Variants in MBOAT4 observed in about 807,000 individuals in gnomAD.
MBOAT4 encodes the protein membrane-bound ghrelin O-acyltransferase MBOAT4.
A neutral mutation model predicts 13.2 loss-of-function variants in MBOAT4; 11 were observed. The observed-to-expected ratio is 0.84, with a 90% CI of 0.53 to 1.38. The LOEUF (loss-of-function observed/expected upper bound fraction) is 1.38. Ranked by LOEUF, MBOAT4 falls within the 40% of genes most tolerant of loss-of-function variation. The pLI is 0.00. For missense variants in MBOAT4, 481 were observed against 527.2 expected (o/e 0.91, Z 0.86); for synonymous variants, 202 against 210.3 (o/e 0.96, Z 0.34).
intron 2 of MBOAT4, among the ~76,000 whole-genome samples, chr8:30,136,832 C>T (rs1803157194): frequency 1.3e-5 from 2 of 151,294 alleles, no homozygotes; most frequent in Admixed American, 6.6e-5. Flanking sequence ...GGATTCCAGG[C>T]GTCCGCCACT....
chr8:30,136,792 G>A (rs1488624006), intron 2 of MBOAT4, among the ~76,000 whole-genome samples: 14 of 149,986 alleles, frequency 9.3e-5, no homozygotes, highest in Non-Finnish European at 1.5e-4. Flanking sequence ...GCAGTGATGC[G>A]ATCTCCTGTC....
Position 30,132,573 on chromosome 8 carries a change from C to T in MBOAT4, c.678G>A (p.Val226=). Residue 226 remains valine, a synonymous_variant, in exon 3 of 3, where the codon GTG becomes GTA. Transcript: ENST00000320542. ...ECLNVAVSRV[V]DAGAGLTDCQ... ...AATCAGTCAGTCCCGCTCCTGCATC[C>T]ACCACCCTGCTCACTGCCACGTTTA... is the stretch of plus-strand genomic sequence containing the variant. The T allele has an allele frequency of 6.4e-7, 1 of 1,551,738 alleles. No individual in the cohort carries two copies. The highest frequency in any genetic ancestry group is 2.4e-5 in the East Asian group (1 of 40,916).
Position 30,144,563 on chromosome 8 carries a change from C to G in MBOAT4, c.39G>C (p.Ser13=). 1 of 1,551,386 alleles carries G rather than the reference C, an allele frequency of 6.4e-7. No homozygotes were observed. The highest frequency in any genetic ancestry group is 8.7e-7 in the Non-Finnish European group (1 of 1,146,858). The change falls in exon 1 of 3, where the codon TCG becomes TCC. Residue 13 remains serine (S), a synonymous_variant. Coordinates refer to ENST00000320542, the MANE Select transcript of MBOAT4 (RefSeq NM_001100916.2). ...WLWLFFLHPI[S]FYQGAAFPFA... is the part of the protein sequence containing the mutation. ...AGGGAAATGCAGCCCCCTGGTAAAA[C>G]GATATAGGATGGAGAAAGAACAGCC... is the stretch of plus-strand genomic sequence containing the variant.
chr8:30,141,601 G>A (rs561796686), intron 1 of MBOAT4, among the ~76,000 whole-genome samples: 1 of 152,280 alleles, frequency 6.6e-6, no homozygotes, highest in South Asian at 2.1e-4. Context: ...TCGCACTGCT[G>A]CATTCCAGCC....
In MBOAT4 at chr8:30,132,297, T is replaced by C; in HGVS notation, c.954A>G (p.Val318=). 1.9e-6 allele frequency: 3 copies of C among 1,551,774 alleles called. No individual in the cohort carries two copies. The South Asian group carries it at 3.6e-5, about 18-fold the overall frequency. ...ACGGCCAAGCCCTGCTGTGCTGGAATACAAGCCGTCGGAGCCATCGAGCTG... is the reference window on the plus strand; with the variant it reads ...ACGGCCAAGCCCTGCTGTGCTGGAACACAAGCCGTCGGAGCCATCGAGCTG... ...QSTARWLRRL[V]FQHSRAWPLL... The change falls in exon 3 of 3, where the codon GTA becomes GTG. Residue 318 remains valine, a synonymous_variant. Coordinates refer to ENST00000320542, the MANE Select transcript of MBOAT4 (RefSeq NM_001100916.2).
At chr8:30,139,513 G>A (rs999927679) in intron 1 of MBOAT4, among the ~76,000 whole-genome samples, 3 of 152,144 alleles carry the variant, frequency 2.0e-5, no homozygotes, top group Non-Finnish European at 4.4e-5. Context: ...CTACCCGGAA[G>A]CATTCCAGAG....
intron 1 of MBOAT4, among the ~76,000 whole-genome samples, chr8:30,142,723 TG>T (rs1248334984): frequency 5.9e-5 from 9 of 152,184 alleles, no homozygotes. Flanking sequence ...GCACTCATGT[TG>T]CTTTATTGTT....
In MBOAT4 at chr8:30,132,152, C is replaced by T. The variant is rs944869312; in HGVS notation, c.1099G>A (p.Glu367Lys). Residue 367 changes from glutamate (E) to lysine (K), a missense_variant, in exon 3 of 3, where the codon GAG (glutamate) becomes AAG (lysine). Coordinates refer to ENST00000320542, the MANE Select transcript of MBOAT4 (RefSeq NM_001100916.2). ...ADYLIHSFAN[E>K]FIRSWPMRLF... ...CTCATCGGCCAGGATCTGATAAACTCATTGGCAAAGGAGTGAATCAGGTAG... is the reference window on the plus strand; with the variant it reads ...CTCATCGGCCAGGATCTGATAAACTTATTGGCAAAGGAGTGAATCAGGTAG... The T allele has an allele frequency of 6.4e-7, 1 of 1,551,686 alleles. No individual in the cohort carries two copies. The highest frequency in any genetic ancestry group is 8.7e-7 in the Non-Finnish European group (1 of 1,147,026).
intron 2 of MBOAT4, 63 bp from the exon 3 acceptor site, chr8:30,132,969 A>C (rs1803059667): frequency 6.9e-7 from 1 of 1,444,312 alleles, no homozygotes; most frequent in Admixed American, 2.7e-5. Context: ...CTCTTATTCC[A>C]GTCTGTCATA....
chr8:30,133,872 C>G (rs375975579), intron 2 of MBOAT4, among the ~76,000 whole-genome samples: 2 of 151,206 alleles, frequency 1.3e-5, no homozygotes, highest in East Asian at 1.9e-4. Flanking sequence ...TTCTGACAAA[C>G]AGAGCCAGGA....
chr8:30,140,127 C>T (rs186407629), intron 1 of MBOAT4, among the ~76,000 whole-genome samples: 2 of 152,278 alleles, frequency 1.3e-5, no homozygotes, highest in East Asian at 3.9e-4. Flanking sequence ...ACCTCCGTCT[C>T]CTGGGTTCAA....
intron 1 of MBOAT4, among the ~76,000 whole-genome samples, chr8:30,139,402 C>T (rs370528589): frequency 1.1e-4 from 16 of 152,150 alleles, no homozygotes; most frequent in African/African-American, 3.4e-4. Flanking sequence ...TCTCCTGGTA[C>T]GTCATCTGAC....
rs142555089 is a variant in MBOAT4 at position 30,132,206 on chromosome 8, C to T, written c.1045G>A (p.Val349Ile). The change falls in exon 3 of 3, where the codon GTT (valine) becomes ATT (isoleucine). Residue 349 changes from valine to isoleucine, a missense_variant. Val to Ile is a conservative substitution (Grantham distance 29). Transcript: ENST00000320542. ...GCTTCCACCATCACGGCCCAGCAAA[C>T]GAAACCAAACACCTGTCCTGGATGG... ...GLHPGQVFGFVCWAVMVEADY... is the reference protein window; with the variant it reads ...GLHPGQVFGFICWAVMVEADY... 38 of 1,551,862 alleles carry T rather than the reference C, an allele frequency of 2.4e-5. No individual in the cohort carries two copies. The highest frequency in any genetic ancestry group is 1.9e-4 in the African/African-American group (14 of 73,154).
rs141519537 is a variant in MBOAT4 at position 30,133,436 on chromosome 8, T to G, written c.345-530A>C. On this transcript the variant is annotated intron_variant, in intron 2 of 2. Coordinates refer to ENST00000320542, the MANE Select transcript of MBOAT4 (RefSeq NM_001100916.2). ...TTTGCATATATATTTTTTGTTTGTT[T>G]TAAAGAAAAGGTTAGATGCACACAT... Among the ~76,000 whole-genome samples, 277 of 152,310 alleles carry G rather than the reference T, an allele frequency of 1.8e-3. 3 individuals carry two copies. The highest frequency in any genetic ancestry group is 6.2e-3 in the African/African-American group (259 of 41,574).
intron 1 of MBOAT4, among the ~76,000 whole-genome samples, chr8:30,139,690 G>T (rs1262928914): frequency 2.0e-5 from 3 of 152,166 alleles, no homozygotes; most frequent in African/African-American, 7.2e-5. Context: ...CAGGCACAGT[G>T]GCTCACACCT....
chr8:30,144,589 A>G lies in MBOAT4; in HGVS notation c.13T>C (p.Trp5Arg), dbSNP rs144340894. 121 of 1,550,132 alleles carry G rather than the reference A, an allele frequency of 7.8e-5. No homozygotes were observed. In the African/African-American group the frequency reaches 1.3e-3, roughly 17 times the overall value. Residue 5 changes from tryptophan (W) to arginine (R), a missense_variant, in exon 1 of 3, where the codon TGG becomes CGG. Trp to Arg is a moderately radical substitution (Grantham distance 101, BLOSUM62 -3). Coordinates refer to ENST00000320542, the MANE Select transcript of MBOAT4 (RefSeq NM_001100916.2). Reference sequence around the variant, plus strand: ...GATATAGGATGGAGAAAGAACAGCCAAAGCCACTCCATTAGGAACCAGAAC... The same window carrying G: ...GATATAGGATGGAGAAAGAACAGCCGAAGCCACTCCATTAGGAACCAGAAC... MEWL[W>R]LFFLHPISFY...
intron 1 of MBOAT4, among the ~76,000 whole-genome samples, chr8:30,141,881 C>G (rs1323925712): frequency 1.3e-5 from 2 of 152,112 alleles, no homozygotes; most frequent in Admixed American, 1.3e-4. Context: ...AGTGTGAGAG[C>G]ATCTATGACT....
Position 30,138,603 on chromosome 8 carries a change from C to T in MBOAT4, c.273G>A (p.Met91Ile). Residue 91 changes from methionine to isoleucine, a missense_variant, in exon 2 of 3, where the codon ATG (methionine) becomes ATA (isoleucine). Met to Ile is a conservative substitution (Grantham distance 10). Coordinates refer to ENST00000320542, the MANE Select transcript of MBOAT4 (RefSeq NM_001100916.2). ...CTAGGTGACACAAGGTCTGCCAGCT[C>T]ATCTGAAAGCAGAAGGTCCACCTGT... ...QVHRWTFCFQ[M>I]SWQTLCHLGL... The T allele has an allele frequency of 6.4e-7, 1 of 1,551,666 alleles. No individual in the cohort carries two copies. The highest frequency in any genetic ancestry group is 1.2e-5 in the South Asian group (1 of 84,054).
At chr8:30,141,845 C>T (rs1006240453) in intron 1 of MBOAT4, among the ~76,000 whole-genome samples, 2 of 151,996 alleles carry the variant, frequency 1.3e-5, no homozygotes, top group Non-Finnish European at 2.9e-5. Flanking sequence ...CCACTTTTTT[C>T]CTTGGGGGAG....
Sources: gnomAD v4.1 joint callset for allele counts (sites outside exome capture counted in the v4.1 genomes callset) on GRCh38, gnomAD v4.1.1 for gene constraint, MANE v1.5 for transcripts, NCBI Gene and HGNC (gene_info 2026-07-23, HGNC 2026-07-21) for gene names.